NOTCH2NLR: variants seen among roughly 807,000 people sequenced by gnomAD.
NOTCH2NLR encodes the protein notch 2 N-terminal like R.
In NOTCH2NLR, 33 loss-of-function variants were observed where a neutral mutation model predicts 35.6. The observed-to-expected ratio is 0.93, with a 90% CI of 0.70 to 1.24. The LOEUF (loss-of-function observed/expected upper bound fraction) is 1.24, where lower values mean the gene tolerates loss of function less well. NOTCH2NLR is among the 50% of genes most tolerant of loss of function. The pLI is 0.00. For missense variants in NOTCH2NLR, 276 were observed against 362.2 expected (o/e 0.76, Z 1.93); for synonymous variants, 103 against 141.0 (o/e 0.73, Z 1.91).
chr1:120,794,462 G>A (rs1205494012), downstream of NOTCH2NLR, among the ~76,000 whole-genome samples: 157 of 115,542 alleles, frequency 1.4e-3, 33 homozygotes, highest in Non-Finnish European at 2.1e-3. Context: ...CTGTAGGAGG[G>A]AGTAATGTGC....
In NOTCH2NLR at chr1:120,761,185, G is replaced by C. The variant is rs1651133429; in HGVS notation, c.74-2443G>C. Among the ~76,000 whole-genome samples, 2 of 125,726 alleles carry C rather than the reference G, an allele frequency of 1.6e-5. 1 individual carries two copies. The highest frequency in any genetic ancestry group is 7.1e-5 in the African/African-American group (2 of 28,192). The allele number at this position is 125,726 out of a possible 152,430, so 82.5% of individuals were successfully genotyped here. A position where few individuals can be genotyped will look rare whatever the true frequency, so the allele number is the denominator to read the frequency against. On this transcript the variant is annotated intron_variant, in intron 1 of 4. Transcript: ENST00000624419. The stretch of plus-strand genomic sequence containing the variant: ...GACTTTGGGTTGCTTGTATTTCTCT[G>C]AACCTGTCACTGTAATGATTTGTCA...
chr1:120,765,787 A>C (rs1317795985), intron 2 of NOTCH2NLR, among the ~76,000 whole-genome samples: 1 of 128,596 alleles, frequency 7.8e-6, no homozygotes. Flanking sequence ...ACACGATGGA[A>C]TACTATGCAG....
At chr1:120,778,610 TAAAAAAAAAA>T (rs1207692493) in intron 2 of NOTCH2NLR, among the ~76,000 whole-genome samples, 1 of 37,910 alleles carries the variant, frequency 2.6e-5, no homozygotes, top group Non-Finnish European at 4.1e-5. Context: ...ATCCTCGTTT[TAAAAAAAAAA>T]AAAAAAAAAA....
intron 1 of NOTCH2NLR, among the ~76,000 whole-genome samples, chr1:120,730,469 C>G (rs1650863434): frequency 3.2e-5 from 2 of 61,546 alleles, no homozygotes; most frequent in South Asian, 4.3e-4. Flanking sequence ...CTTGATAATA[C>G]TGTCCTTGAT....
At chr1:120,737,978 T>C (rs1267879323) in intron 1 of NOTCH2NLR, among the ~76,000 whole-genome samples, 1 of 68,302 alleles carries the variant, frequency 1.5e-5, no homozygotes, top group East Asian at 2.9e-4. Flanking sequence ...TCTAAGACTT[T>C]ATTTTTCCAT....
In NOTCH2NLR at chr1:120,770,415, C is replaced by G. The variant is rs1651249765; in HGVS notation, c.155+6706C>G. ...CTATCTCCTGACCTCATGATCTGCC[C>G]GCCTCGGCCTCCCAAAGTGCTGGGA... On this transcript the variant is annotated intron_variant, in intron 2 of 4. Transcript: ENST00000624419. Among the ~76,000 whole-genome samples the G allele has an allele frequency of 1.8e-5, 2 of 111,486 alleles. 1 individual carries two copies. The highest frequency in any genetic ancestry group is 4.4e-4 in the East Asian group (2 of 4,520). 73.1% of individuals were successfully genotyped at this position (111,486 alleles called of 152,430 possible). A position where few individuals can be genotyped will look rare whatever the true frequency, so the allele number is the denominator to read the frequency against.
At chr1:120,730,180 T>C (rs1324919296) in intron 1 of NOTCH2NLR, among the ~76,000 whole-genome samples, 1 of 7,502 alleles carries the variant, frequency 1.3e-4, no homozygotes, top group Non-Finnish European at 2.4e-4. Flanking sequence ...TGGTGTCCAC[T>C]AAAGAATTCT....
At chr1:120,768,196 A>G (rs1256192234) in intron 2 of NOTCH2NLR, among the ~76,000 whole-genome samples, 2 of 113,686 alleles carry the variant, frequency 1.8e-5, no homozygotes, top group Non-Finnish European at 3.3e-5. Context: ...TAGTCATGGG[A>G]TAGGGCTCTT....
At chr1:120,765,116 G>A (rs1171896488) in intron 2 of NOTCH2NLR, among the ~76,000 whole-genome samples, 1 of 116,296 alleles carries the variant, frequency 8.6e-6, no homozygotes, top group Non-Finnish European at 1.7e-5. Context: ...GGAAATAAAG[G>A]TTTTATGTAG....
In NOTCH2NLR at chr1:120,790,543, T is replaced by C. The variant is rs1170101872; in HGVS notation, c.416-2618T>C. On this transcript the variant is annotated intron_variant, in intron 3 of 4. Transcript: ENST00000624419. ...TTCTTTCTTTCTCCCTCCCTTTCTT[T>C]CTTTCTTTCTTTCTTTCTTTCTTTC... Among the ~76,000 whole-genome samples, 4 of 81,912 alleles carry C rather than the reference T, an allele frequency of 4.9e-5. 1 individual carries two copies. Among genetic ancestry groups the C allele is most frequent in the African/African-American group, 8.7e-5 (1 of 11,478 alleles). 53.7% of individuals were successfully genotyped at this position (81,912 alleles called of 152,430 possible).
Position 120,793,812 on chromosome 1 carries a change from A to G in NOTCH2NLR, c.817A>G (p.Thr273Ala), listed in dbSNP as rs1333595362. ...ACAGGCAAGTCTGGAATGGAAAAGA[A>G]CACGATGAGAATTAGACACTGGAAA... Residue 273 changes from threonine (T) to alanine (A), a missense_variant, in exon 5 of 5, where the codon ACA (threonine) becomes GCA (alanine). Thr to Ala is a moderately conservative substitution (Grantham distance 58, BLOSUM62 0). Transcript: ENST00000624419. The G allele has an allele frequency of 5.2e-6, 5 of 960,004 alleles. 1 individual carries two copies. In the Admixed American group the frequency reaches 8.2e-5, roughly 16 times the overall value. 59.5% of individuals were successfully genotyped at this position (960,004 alleles called of 1,614,324 possible). A position where few individuals can be genotyped will look rare whatever the true frequency, so the allele number is the denominator to read the frequency against.
chr1:120,747,772 T>G (rs1283499986), intron 1 of NOTCH2NLR, among the ~76,000 whole-genome samples: 1 of 30,102 alleles, frequency 3.3e-5, no homozygotes, highest in Non-Finnish European at 5.9e-5. Flanking sequence ...GAATGTAAAT[T>G]GAAGAGTTTA....
rs1197119767 is a variant in NOTCH2NLR, at chr1:120,756,006, C to T, written c.74-7622C>T. ...GAGGAAGACAGATGTTTCTCCACTTCGTTTTTATTTAAATGTACCACTTGG... is the reference window on the plus strand; with the variant it reads ...GAGGAAGACAGATGTTTCTCCACTTTGTTTTTATTTAAATGTACCACTTGG... On this transcript the variant is annotated intron_variant, in intron 1 of 4. Transcript: ENST00000624419. Among the ~76,000 whole-genome samples the T allele has an allele frequency of 6.5e-5, 7 of 107,392 alleles. 1 individual carries two copies. The highest frequency in any genetic ancestry group is 5.7e-4 in the South Asian group (2 of 3,506). 70.5% of individuals were successfully genotyped at this position (107,392 alleles called of 152,430 possible).
At position 120,793,321 on chromosome 1, in the gene NOTCH2NLR, C is replaced by A. The variant is rs1388479336; in HGVS notation, c.576C>A (p.Cys192Ter). The A allele has an allele frequency of 5.7e-6, 8 of 1,405,582 alleles. 1 individual carries two copies. Among genetic ancestry groups the A allele is most frequent in the Non-Finnish European group, 7.6e-6 (8 of 1,047,618 alleles). The allele number at this position is 1,405,582 out of a possible 1,614,324, so 87.1% of individuals were successfully genotyped here. A position where few individuals can be genotyped will look rare whatever the true frequency, so the allele number is the denominator to read the frequency against. ...ATGAGTGTGACATTCCAGGACACTG[C>A]CAGCATGGTGGCACCTGCCTCAACC... Residue 192 changes from cysteine to a stop codon, truncating the protein, a stop_gained, in exon 4 of 5, where the codon TGC (cysteine) becomes TGA (stop). Transcript: ENST00000624419. LOFTEE classifies it high-confidence loss of function.
chr1:120,750,763 GTTC>G lies in NOTCH2NLR; in HGVS notation c.74-12859_74-12857del, dbSNP rs1459593716. 2.8e-4 allele frequency among the ~76,000 whole-genome samples: 31 copies of G among 112,566 alleles called. 7 individuals are homozygous for G. Among genetic ancestry groups the G allele is most frequent in the African/African-American group, 8.8e-4 (16 of 18,250 alleles). The allele number at this position is 112,566 out of a possible 152,430, so 73.8% of individuals were successfully genotyped here. A position where few individuals can be genotyped will look rare whatever the true frequency, so the allele number is the denominator to read the frequency against. ...TCACTGTGCTCAAATTTATAAACTT[GTTC>G]TTCTTAACAATTTTAAAGCCAGATT... On this transcript the variant is annotated intron_variant, in intron 1 of 4. Coordinates refer to ENST00000624419, the Ensembl canonical transcript of NOTCH2NLR.
intron 2 of NOTCH2NLR, among the ~76,000 whole-genome samples, chr1:120,763,955 G>A (rs1240756306): frequency 8.9e-6 from 1 of 111,832 alleles, no homozygotes; most frequent in Non-Finnish European, 1.7e-5. Flanking sequence ...GCTAGTTAAT[G>A]TATATGGGGT....
rs1483771115 is a variant in NOTCH2NLR at position 120,727,427 on chromosome 1, A to G, written c.73+3177A>G. On this transcript the variant is annotated intron_variant, in intron 1 of 4. Coordinates refer to ENST00000624419, the Ensembl canonical transcript of NOTCH2NLR. ...TTTTAAAATTGCTAACATAAGAGAT[A>G]TAGAATATAATGTCATTTCTTCTGT... Among the ~76,000 whole-genome samples the G allele has an allele frequency of 1.1e-4, 13 of 116,314 alleles. 3 individuals carry two copies. Among genetic ancestry groups the G allele is most frequent in the Non-Finnish European group, 2.0e-4 (12 of 60,952 alleles). 76.3% of individuals were successfully genotyped at this position (116,314 alleles called of 152,430 possible). A position where few individuals can be genotyped will look rare whatever the true frequency, so the allele number is the denominator to read the frequency against.
rs1465087159 is a variant in NOTCH2NLR, at chr1:120,793,365, G to T, written c.620G>T (p.Cys207Phe). 3.4e-5 allele frequency: 49 copies of T among 1,427,224 alleles called. 11 individuals carry two copies. The highest frequency in any genetic ancestry group is 4.7e-5 in the East Asian group (2 of 42,636). 88.4% of individuals were successfully genotyped at this position (1,427,224 alleles called of 1,614,324 possible). The change falls in exon 4 of 5, where the codon TGC becomes TTC. Residue 207 changes from cysteine (C) to phenylalanine (F), a missense_variant. Coordinates refer to ENST00000624419, the Ensembl canonical transcript of NOTCH2NLR. Reference sequence around the variant, plus strand: ...CTCAACCTGCCTGGTTCCTACCAGTGCCAGTGCCTTCAGGGCTTCACAGGC... The same window carrying T: ...CTCAACCTGCCTGGTTCCTACCAGTTCCAGTGCCTTCAGGGCTTCACAGGC...
rs1204986280 is a variant in NOTCH2NLR at position 120,733,155 on chromosome 1, C to CAT, written c.73+8918_73+8919dup. 4.0e-4 allele frequency among the ~76,000 whole-genome samples: 42 copies of CAT among 104,016 alleles called. 3 individuals carry two copies. The highest frequency in any genetic ancestry group is 1.2e-3 in the Admixed American group (13 of 10,524). The allele number at this position is 104,016 out of a possible 152,430, so 68.2% of individuals were successfully genotyped here. ...TATGTTTAGTTTATGAACAGATCTA[C>CAT]ATATATATATATATGCACACACACA... On this transcript the variant is annotated intron_variant, in intron 1 of 4. Transcript: ENST00000624419.
Sources: allele counts gnomAD v4.1 joint callset (sites outside exome capture counted in the v4.1 genomes callset), GRCh38; gene constraint gnomAD v4.1.1; transcripts MANE v1.5; gene names NCBI Gene and HGNC (gene_info 2026-07-23, HGNC 2026-07-21).